Variants in SHLD2 observed in about 807,000 individuals in gnomAD.
SHLD2 encodes the protein shieldin complex subunit 2.
Under a neutral mutation model 73.2 loss-of-function variants are expected in SHLD2, and 30 were observed. That is an observed-to-expected ratio of 0.41 (90% CI 0.31 to 0.56). The LOEUF is 0.56. Among genes scored for constraint, SHLD2 ranks in the 20% least tolerant of loss-of-function variants. The pLI is 0.28. For missense variants in SHLD2, 745 were observed against 1,055.9 expected (o/e 0.71, Z 4.08); for synonymous variants, 285 against 370.1 (o/e 0.77, Z 2.64).
At chr10:87,149,815 G>A (rs909573265) in intron 2 of SHLD2, among the ~76,000 whole-genome samples, 8 of 151,892 alleles carry the variant, frequency 5.3e-5, no homozygotes, top group Admixed American at 2.6e-4. Flanking sequence ...TGCAATGTCC[G>A]CCTCTCAGGC....
intron 2 of SHLD2, among the ~76,000 whole-genome samples, chr10:87,127,777 T>A (rs369960518): frequency 1.5e-3 from 221 of 151,636 alleles, no homozygotes; most frequent in African/African-American, 5.2e-3. Context: ...CACTTAAGCT[T>A]TACAACAGTC....
intron 3 of SHLD2, among the ~76,000 whole-genome samples, chr10:87,156,737 C>T (rs1468521619): frequency 3.3e-5 from 5 of 152,118 alleles, no homozygotes; most frequent in Admixed American, 2.6e-4. Context: ...TCGTCTGTTC[C>T]TTTTTTCTGA....
chr10:87,103,721 G>C (rs527836139), intron 2 of SHLD2, among the ~76,000 whole-genome samples: 155 of 152,230 alleles, frequency 1.0e-3, no homozygotes, highest in African/African-American at 3.7e-3. Context: ...AGGGTTTGTA[G>C]TCTTTTTCCT....
At chr10:87,101,640 G>A (rs1244733245) in intron 2 of SHLD2, among the ~76,000 whole-genome samples, 1 of 152,214 alleles carries the variant, frequency 6.6e-6, no homozygotes, top group Non-Finnish European at 1.5e-5. Context: ...TGGGCATGGT[G>A]GCTCACGCCT....
At chr10:87,121,762 CTT>C (rs571649405) in intron 2 of SHLD2, among the ~76,000 whole-genome samples, 147 of 130,922 alleles carry the variant, frequency 1.1e-3, no homozygotes, top group African/African-American at 3.2e-3. Flanking sequence ...TTCTTTCTTT[CTT>C]TTTTTTTTTT....
chr10:87,175,040 C>T (rs1167846671), intron 6 of SHLD2, among the ~76,000 whole-genome samples: 5 of 151,360 alleles, frequency 3.3e-5, no homozygotes, highest in African/African-American at 1.2e-4. Flanking sequence ...TGGCTAGAAC[C>T]TGGGACGTGG....
intron 2 of SHLD2, among the ~76,000 whole-genome samples, chr10:87,106,761 T>C (rs1408223184): frequency 6.6e-6 from 1 of 152,182 alleles, no homozygotes; most frequent in Non-Finnish European, 1.5e-5. Flanking sequence ...CTTGTTATCA[T>C]CAATGTAACA....
At chr10:87,164,851 A>G (rs1389165656) in intron 4 of SHLD2, among the ~76,000 whole-genome samples, 1 of 152,120 alleles carries the variant, frequency 6.6e-6, no homozygotes, top group Non-Finnish European at 1.5e-5. Context: ...CTTCCTTCCA[A>G]TGGAATTCCA....
chr10:87,134,606 A>C (rs981277641), intron 2 of SHLD2, among the ~76,000 whole-genome samples: 1 of 152,318 alleles, frequency 6.6e-6, no homozygotes, highest in Admixed American at 6.5e-5. Flanking sequence ...ACTGGCATAG[A>C]TAATACCTGA....
At chr10:87,180,645 G>GT (rs1186379364) in intron 8 of SHLD2, among the ~76,000 whole-genome samples, 1 of 152,176 alleles carries the variant, frequency 6.6e-6, no homozygotes, top group Non-Finnish European at 1.5e-5. Flanking sequence ...AGGGCTAAAA[G>GT]TATCATATGA....
chr10:87,189,320 A>G (rs1439288910), intron 9 of SHLD2, among the ~76,000 whole-genome samples: 2 of 152,132 alleles, frequency 1.3e-5, no homozygotes, highest in Non-Finnish European at 2.9e-5. Flanking sequence ...TTTTTTGCAT[A>G]ATGTAAATTA....
intron 2 of SHLD2, among the ~76,000 whole-genome samples, chr10:87,117,348 G>A (rs1287389081): frequency 6.6e-6 from 1 of 152,184 alleles, no homozygotes; most frequent in African/African-American, 2.4e-5. Flanking sequence ...GAACCTGGGA[G>A]GTGGAAGTTT....
chr10:87,140,227 C>A (rs1047608953), intron 2 of SHLD2, among the ~76,000 whole-genome samples: 7 of 151,786 alleles, frequency 4.6e-5, no homozygotes, highest in African/African-American at 1.7e-4. Context: ...TGAGACCAGC[C>A]TGTCCAACAT....
chr10:87,154,681 A>G (rs1846270892), intron 3 of SHLD2, among the ~76,000 whole-genome samples: 1 of 152,052 alleles, frequency 6.6e-6, no homozygotes, highest in Non-Finnish European at 1.5e-5. Context: ...GTGCCTGGCC[A>G]GAATATGTTT....
upstream of SHLD2, chr10:87,095,160 A>AGGTCGGGGCGGGTCGGGGCG (rs1205833776): frequency 3.6e-3 from 118 of 33,136 alleles, 1 homozygote; most frequent in East Asian, 6.4e-3. Context: ...AGGGAGGGGA[A>AGGTCGGGGCGGGTCGGGGCG]GGTCGGGGCG....
At chr10:87,109,973 G>A (rs11202332) in intron 2 of SHLD2, among the ~76,000 whole-genome samples, 52,632 of 152,028 alleles carry the variant, frequency 0.35, 9,567 homozygotes, top group African/African-American at 0.44. Flanking sequence ...AGGAATAAGT[G>A]ATTTCATAGA....
chr10:87,180,023 A>G, intron 7 of SHLD2, 52 bp from the exon 8 acceptor site: 1 of 1,352,304 alleles, frequency 7.4e-7, no homozygotes, highest in Non-Finnish European at 1.1e-6. Context: ...TTGTAAATTA[A>G]AGTTATAATT....
In SHLD2 at chr10:87,180,130, T is replaced by C; in HGVS notation, c.2226T>C (p.Ser742=). Residue 742 remains serine (S), a synonymous_variant, in exon 8 of 10, where the codon TCT becomes TCC. Transcript: ENST00000298786. ...AGCTGGCATTTCCTATTACAGCATCTCAGAAGATAGCGCTAAATGCTCACA... is the reference window on the plus strand; with the variant it reads ...AGCTGGCATTTCCTATTACAGCATCCCAGAAGATAGCGCTAAATGCTCACA... ...ISELAFPITA[S]QKIALNAHSS... 1 of 1,613,906 alleles carries C rather than the reference T, an allele frequency of 6.2e-7. No individual in the cohort carries two copies. Among genetic ancestry groups the C allele is most frequent in the Non-Finnish European group, 8.5e-7 (1 of 1,179,842 alleles).
intron 4 of SHLD2, among the ~76,000 whole-genome samples, chr10:87,161,178 G>A (rs532835531): frequency 7.5e-4 from 114 of 152,264 alleles, no homozygotes; most frequent in African/African-American, 2.7e-3. Context: ...TAGGCTGAGT[G>A]CAGTGGTTTG....
Sources: gnomAD v4.1 joint callset for allele counts (sites outside exome capture counted in the v4.1 genomes callset) on GRCh38, gnomAD v4.1.1 for gene constraint, MANE v1.5 for transcripts, NCBI Gene and HGNC (gene_info 2026-07-23, HGNC 2026-07-21) for gene names.